The following EZH1 variants were observed in gnomAD, a reference collection of about 807,000 sequenced individuals.
EZH1 encodes the protein histone-lysine N-methyltransferase EZH1.
EZH1 carries 33 observed loss-of-function variants against 100.5 expected under a neutral mutation model. The observed-to-expected ratio is 0.33, with a 90% confidence interval of 0.25 to 0.44. The LOEUF (loss-of-function observed/expected upper bound fraction) is 0.44. Among genes scored for constraint, EZH1 ranks in the 20% least tolerant of loss-of-function variants. The probability of loss-of-function intolerance (pLI) is 1.00; values close to 1 mark genes in which losing one functional copy is unlikely to be tolerated. For missense variants in EZH1, 475 were observed against 928.4 expected (o/e 0.51, Z 6.35); for synonymous variants, 272 against 313.8 (o/e 0.87, Z 1.41).
chr17:42,726,289 T>C (rs2053819927), intron 4 of EZH1, among the ~76,000 whole-genome samples: 1 of 145,496 alleles, frequency 6.9e-6, no homozygotes, highest in Non-Finnish European at 1.5e-5. Context: ...AGCCTTGAAC[T>C]CTTGGGTTCA....
At chr17:42,716,110 G>GAAACA (rs972482966) in intron 10 of EZH1, among the ~76,000 whole-genome samples, 2 of 150,674 alleles carry the variant, frequency 1.3e-5, no homozygotes, top group African/African-American at 4.9e-5. Flanking sequence ...TCCTGGTTTG[G>GAAACA]AAACAAAACA....
Position 42,706,824 on chromosome 17 carries a change from A to C in EZH1, c.1661-639T>G, listed in dbSNP as rs1177883010. On this transcript the variant is annotated intron_variant, in intron 15 of 20. Transcript: ENST00000428826. This position sits in a 1 kb window ranked among gnomAD's most constrained non-coding sequence, Gnocchi z 4.4. Reference sequence around the variant, plus strand: ...TATGAAATCAGTGTGTTTCACTGGTAAATTGTCACCATCAAAACAAGTATC... The same window carrying C: ...TATGAAATCAGTGTGTTTCACTGGTCAATTGTCACCATCAAAACAAGTATC... Among the ~76,000 whole-genome samples, 1 of 152,190 alleles carries C rather than the reference A, an allele frequency of 6.6e-6. No individual in the cohort carries two copies. The highest frequency in any genetic ancestry group is 1.5e-5 in the Non-Finnish European group (1 of 68,032).
At chr17:42,734,699 A>G (rs1226456357) in intron 1 of EZH1, among the ~76,000 whole-genome samples, 2 of 150,230 alleles carry the variant, frequency 1.3e-5, no homozygotes, top group East Asian at 1.9e-4. Context: ...AAAGAAAGAA[A>G]GAAGGAAGGA....
intron 11 of EZH1, among the ~76,000 whole-genome samples, 172 bp downstream of exon 11, chr17:42,713,037 C>CCAA: frequency 1.2e-5 from 1 of 83,998 alleles, no homozygotes; most frequent in Non-Finnish European, 2.2e-5. Flanking sequence ...GAGACTGTTT[C>CCAA]AAAAAAAAAA....
rs188595268 is a variant in EZH1 at position 42,703,972 on chromosome 17, T to C, written c.2018-152A>G. ...GTGCTAACAGGAGCAGAGGAAAGCA[T>C]GCAGCCTCAGAATTCAGCCTTGTGT... On this transcript the variant is annotated intron_variant, in intron 18 of 20. Transcript: ENST00000428826. 1,850 of 659,964 alleles carry C rather than the reference T, an allele frequency of 2.8e-3. 2 individuals are homozygous for C. The highest frequency in any genetic ancestry group is 3.4e-3 in the Non-Finnish European group (1,249 of 370,434). 40.9% of individuals were successfully genotyped at this position (659,964 alleles called of 1,614,324 possible). A position where few individuals can be genotyped will look rare whatever the true frequency, so the allele number is the denominator to read the frequency against.
intron 1 of EZH1, among the ~76,000 whole-genome samples, chr17:42,744,666 C>G (rs2054244736): frequency 6.6e-6 from 1 of 152,168 alleles, no homozygotes; most frequent in African/African-American, 2.4e-5. Flanking sequence ...CAGGTGCCAC[C>G]GCCCTCCCGC....
At chr17:42,719,459 G>A (rs1367141660) in intron 7 of EZH1, among the ~76,000 whole-genome samples, 2 of 152,182 alleles carry the variant, frequency 1.3e-5, no homozygotes, top group African/African-American at 4.8e-5. Flanking sequence ...ATCTGGATGT[G>A]AGGTGGCTCA....
At chr17:42,744,912 A>C in intron 1 of EZH1, 99 bp downstream of exon 1, 1 of 1,198,308 alleles carries the variant, frequency 8.3e-7, no homozygotes, top group Admixed American at 2.9e-5. Context: ...GATTCCTTCC[A>C]ATTTCCTGAT....
At chr17:42,742,535 T>C (rs1185419066) in intron 1 of EZH1, among the ~76,000 whole-genome samples, 1 of 152,152 alleles carries the variant, frequency 6.6e-6, no homozygotes, top group African/African-American at 2.4e-5. Context: ...TAGCATCAAG[T>C]TCCACGATTA....
At chr17:42,724,535 A>G in intron 4 of EZH1, 111 bp from the exon 5 acceptor site, 2 of 1,364,436 alleles carry the variant, frequency 1.5e-6, no homozygotes, top group Non-Finnish European at 1.0e-6. Context: ...CAGTAATCCC[A>G]GCACTTTGGG....
chr17:42,708,108 G>A (rs1311295327), intron 14 of EZH1, 25 bp from the exon 15 acceptor site: 1 of 1,579,186 alleles, frequency 6.3e-7, no homozygotes, highest in Non-Finnish European at 8.6e-7. Flanking sequence ...AGAGGAGGAT[G>A]CTGCTGTGAC....
At chr17:42,727,411 CT>C (rs1568000169) in intron 4 of EZH1, among the ~76,000 whole-genome samples, 1 of 151,210 alleles carries the variant, frequency 6.6e-6, no homozygotes, top group Admixed American at 6.6e-5. Context: ...TGTCTGGCTA[CT>C]TTTTTAAAAA....
At chr17:42,713,175 GA>G (rs1053965922) in intron 11 of EZH1, 33 bp downstream of exon 11, 2 of 1,605,422 alleles carry the variant, frequency 1.2e-6, no homozygotes, top group South Asian at 2.2e-5. Flanking sequence ...TCCTTGCATG[GA>G]AAGAAAAAGT....
chr17:42,721,777 A>G (rs936068330), intron 6 of EZH1, among the ~76,000 whole-genome samples: 7 of 152,136 alleles, frequency 4.6e-5, no homozygotes, highest in Non-Finnish European at 7.4e-5. Flanking sequence ...TGGGAGGCCA[A>G]CGTGGGAGGA....
chr17:42,716,069 T>C (rs11869639), intron 10 of EZH1, among the ~76,000 whole-genome samples: 2 of 143,768 alleles, frequency 1.4e-5, no homozygotes, highest in Non-Finnish European at 3.1e-5. Flanking sequence ...AAAAAAGACA[T>C]AATAACCAAA....
In EZH1 at chr17:42,709,314, G is replaced by T. The variant is rs977335061; in HGVS notation, c.1494-398C>A. 1.4e-5 allele frequency: 3 copies of T among 220,538 alleles called. No homozygotes were observed. In the Admixed American group the frequency reaches 1.5e-4, roughly 11 times the overall value. 13.7% of individuals were successfully genotyped at this position (220,538 alleles called of 1,614,324 possible). A position where few individuals can be genotyped will look rare whatever the true frequency, so the allele number is the denominator to read the frequency against. ...GGCCTTTCAGGAATCTTCTCTGAAA[G>T]AACTGAAAGGGAGGAGCCACAGGGA... On this transcript the variant is annotated intron_variant, in intron 13 of 20. Transcript: ENST00000428826.
chr17:42,703,102 C>T, intron 19 of EZH1, 141 bp from the exon 20 acceptor site: 1 of 734,058 alleles, frequency 1.4e-6, no homozygotes, highest in South Asian at 1.6e-5. Flanking sequence ...TGGTAGTTGC[C>T]TCTATGCTTT....
intron 12 of EZH1, among the ~76,000 whole-genome samples, chr17:42,710,972 C>T (rs2053469768): frequency 6.6e-6 from 1 of 152,070 alleles, no homozygotes; most frequent in Non-Finnish European, 1.5e-5. Flanking sequence ...GAAGAGGCCA[C>T]AGAGTCTCCT....
At chr17:42,723,413 T>C (rs978393901) in intron 5 of EZH1, among the ~76,000 whole-genome samples, 3 of 150,996 alleles carry the variant, frequency 2.0e-5, no homozygotes, top group African/African-American at 7.3e-5. Flanking sequence ...GACAGATGGA[T>C]AAATAAAAAT....
Sources: allele counts gnomAD v4.1 joint callset (sites outside exome capture counted in the v4.1 genomes callset), GRCh38; gene constraint gnomAD v4.1.1; non-coding constraint Gnocchi (gnomAD v3.1); transcripts MANE v1.5; gene names NCBI Gene and HGNC (gene_info 2026-07-23, HGNC 2026-07-21).